The following SYCP1 variants were observed in gnomAD, a reference collection of about 807,000 sequenced individuals.
SYCP1 encodes the protein cancer/testis antigen 8.
Under a neutral mutation model 153.1 loss-of-function variants are expected in SYCP1, and 64 were observed. That is an observed-to-expected ratio of 0.42 (90% confidence interval 0.34 to 0.51). The LOEUF (loss-of-function observed/expected upper bound fraction) is 0.51, where lower values mean the gene tolerates loss of function less well. Ranked by LOEUF, SYCP1 falls within the 20% of genes least tolerant of loss-of-function variation. The pLI is 0.06. For missense variants in SYCP1, 997 were observed against 1,049.0 expected, an observed-to-expected ratio of 0.95 and a Z score of 0.68; for synonymous variants, 384 against 341.8, an observed-to-expected ratio of 1.12 and a Z score of -1.36.
At chr1:114,922,445 C>A (rs943000744) in intron 20 of SYCP1, among the ~76,000 whole-genome samples, 2 of 152,084 alleles carry the variant, frequency 1.3e-5, no homozygotes, top group Admixed American at 6.6e-5. Context: ...TCTTGGAAGG[C>A]CTTAGGGAAA....
At chr1:114,859,619 G>T (rs954944189) in intron 6 of SYCP1, 124 bp from the exon 7 acceptor site, 2 of 428,548 alleles carry the variant, frequency 4.7e-6, no homozygotes, top group Non-Finnish European at 7.1e-6. Flanking sequence ...TCCTTTTTAT[G>T]TGGAAAGAAA....
chr1:114,918,448 G>T (rs765671933), intron 20 of SYCP1, among the ~76,000 whole-genome samples: 21 of 151,846 alleles, frequency 1.4e-4, no homozygotes, highest in Non-Finnish European at 2.5e-4. Context: ...TGTTCTTTTT[G>T]CCCAGAATAT....
At chr1:114,911,413 G>A in intron 17 of SYCP1, 66 bp from the exon 18 acceptor site, 1 of 1,288,172 alleles carries the variant, frequency 7.8e-7, no homozygotes, top group Non-Finnish European at 1.1e-6. Flanking sequence ...ATTACACAGT[G>A]ACTATACCTT....
intron 23 of SYCP1, among the ~76,000 whole-genome samples, chr1:114,930,405 C>A (rs994950355): frequency 6.6e-6 from 1 of 151,604 alleles, no homozygotes; most frequent in African/African-American, 2.4e-5. Context: ...AGCTGATAAG[C>A]CCTAGCAGAA....
rs752818534 is a variant in SYCP1, at chr1:114,855,414, T to G, written c.-24-27T>G. On this transcript the variant is annotated intron_variant, in intron 1 of 31. Transcript: ENST00000369522. ...ACACTCGGTGAAAAAAAACTTTCCT[T>G]CCCCTCCCGCCCCCCCGGGGCAGTA... The G allele has an allele frequency of 3.7e-6, 5 of 1,361,014 alleles. No individual in the cohort carries two copies. The South Asian group carries it at 6.2e-5, about 17-fold the overall frequency. The allele number at this position is 1,361,014 out of a possible 1,614,324, so 84.3% of individuals were successfully genotyped here.
At chr1:114,957,532 A>T (rs1295259950) in intron 27 of SYCP1, among the ~76,000 whole-genome samples, 1 of 152,244 alleles carries the variant, frequency 6.6e-6, no homozygotes, top group Non-Finnish European at 1.5e-5. Context: ...ACATGTTTGG[A>T]AACTATCCAT....
chr1:114,917,405 A>G (rs1263652918), intron 20 of SYCP1, among the ~76,000 whole-genome samples: 1 of 152,192 alleles, frequency 6.6e-6, no homozygotes, highest in Non-Finnish European at 1.5e-5. Context: ...ATGGACACTT[A>G]CATAGCTTCC....
intron 23 of SYCP1, among the ~76,000 whole-genome samples, chr1:114,932,002 T>C (rs1203281111): frequency 6.6e-6 from 1 of 152,090 alleles, no homozygotes; most frequent in Non-Finnish European, 1.5e-5. Flanking sequence ...TAACCAGATA[T>C]TCATATGGGA....
chr1:114,979,236 C>G (rs1006322819), intron 28 of SYCP1, among the ~76,000 whole-genome samples: 2 of 150,230 alleles, frequency 1.3e-5, no homozygotes, highest in African/African-American at 4.9e-5. Context: ...TTAACTTCTT[C>G]GTGTTTCAAT....
intron 25 of SYCP1, among the ~76,000 whole-genome samples, chr1:114,945,910 C>T (rs1380573019): frequency 6.6e-6 from 1 of 152,144 alleles, no homozygotes. Flanking sequence ...AGGTATATCT[C>T]CTAATGCTAG....
At chr1:114,905,315 T>C (rs181512670) in intron 16 of SYCP1, among the ~76,000 whole-genome samples, 4 of 152,306 alleles carry the variant, frequency 2.6e-5, no homozygotes, top group Non-Finnish European at 4.4e-5. Flanking sequence ...AAACATTTAA[T>C]AGGGACTTAC....
chr1:114,956,505 C>A (rs1671443007), intron 27 of SYCP1, among the ~76,000 whole-genome samples: 1 of 152,208 alleles, frequency 6.6e-6, no homozygotes, highest in Admixed American at 6.5e-5. Flanking sequence ...TCTTCAGCCT[C>A]CAACCCACAG....
chr1:114,938,319 G>A (rs1227962976), intron 23 of SYCP1, among the ~76,000 whole-genome samples: 5 of 147,608 alleles, frequency 3.4e-5, no homozygotes, highest in African/African-American at 1.3e-4. Context: ...AACACCTCAT[G>A]TTCTCACTCA....
chr1:114,991,153 A>C (rs1022593744), intron 30 of SYCP1, among the ~76,000 whole-genome samples: 1 of 151,990 alleles, frequency 6.6e-6, no homozygotes, highest in African/African-American at 2.4e-5. Flanking sequence ...GGAAGCTTGA[A>C]TCCAAATACA....
chr1:114,899,320 C>T (rs1667265631), intron 16 of SYCP1, among the ~76,000 whole-genome samples: 1 of 152,144 alleles, frequency 6.6e-6, no homozygotes, highest in South Asian at 2.1e-4. Flanking sequence ...GTTTCCTTTA[C>T]TCTGAAAAAC....
chr1:114,957,912 AC>A (rs1445948561), intron 27 of SYCP1, among the ~76,000 whole-genome samples: 1 of 152,162 alleles, frequency 6.6e-6, no homozygotes, highest in East Asian at 1.9e-4. Flanking sequence ...CTACCTTATG[AC>A]CCAGCAATCC....
At chr1:114,891,281 TC>T (rs1247524371) in intron 15 of SYCP1, among the ~76,000 whole-genome samples, 2 of 152,202 alleles carry the variant, frequency 1.3e-5, no homozygotes, top group African/African-American at 4.8e-5. Flanking sequence ...ATCTTTTAGG[TC>T]AGACGTCTTT....
chr1:114,914,727 T>G (rs1253962526), intron 20 of SYCP1, among the ~76,000 whole-genome samples: 1 of 152,184 alleles, frequency 6.6e-6, no homozygotes, highest in Non-Finnish European at 1.5e-5. Flanking sequence ...AAGTTCCAAA[T>G]TAAGTCCAAA....
At chr1:114,991,907 A>C (rs1210392452) in intron 30 of SYCP1, among the ~76,000 whole-genome samples, 2 of 151,846 alleles carry the variant, frequency 1.3e-5, no homozygotes, top group Admixed American at 1.3e-4. Flanking sequence ...AAAATTGCGA[A>C]GACTCTTTAA....
Sources: gnomAD v4.1 joint callset for allele counts (sites outside exome capture counted in the v4.1 genomes callset) on GRCh38, gnomAD v4.1.1 for gene constraint, MANE v1.5 for transcripts, NCBI Gene and HGNC (gene_info 2026-07-23, HGNC 2026-07-21) for gene names.